The following CLNK variants were observed in gnomAD, a reference collection of about 807,000 sequenced individuals.
The protein encoded by CLNK is cytokine dependent hematopoietic cell linker, also known as cytokine-dependent hematopoietic cell linker.
In CLNK, 74 loss-of-function variants were observed where a neutral mutation model predicts 68.6. The ratio of observed to expected loss-of-function variants is 1.08; its 90% CI spans 0.89 to 1.31. The LOEUF is 1.31. Among genes scored for constraint, CLNK ranks in the 50% most tolerant of loss-of-function variants. The pLI, the probability that CLNK is intolerant of heterozygous loss-of-function variation, is 0.00. For missense variants in CLNK, 553 were observed against 515.3 expected (o/e 1.07, Z -0.71); for synonymous variants, 198 against 172.2 (o/e 1.15, Z -1.17).
At chr4:10,543,485 G>T (rs1478947781) in intron 8 of CLNK, among the ~76,000 whole-genome samples, 1 of 152,146 alleles carries the variant, frequency 6.6e-6, no homozygotes, top group African/African-American at 2.4e-5. Flanking sequence ...TTTTAACCAT[G>T]TGCTGAAGAG....
chr4:10,689,905 C>G, the CLNK span, among the ~76,000 whole-genome samples: 1 of 151,938 alleles, frequency 6.6e-6, no homozygotes, highest in Admixed American at 6.6e-5. Context: ...TTGCTGTTCC[C>G]TCTCATCTCA....
At chr4:10,565,264 G>C (rs1185655803) in intron 6 of CLNK, among the ~76,000 whole-genome samples, 1 of 152,224 alleles carries the variant, frequency 6.6e-6, no homozygotes, top group African/African-American at 2.4e-5. Context: ...GCACGTAGTA[G>C]ATGCTCAATG....
chr4:10,604,803 C>A (rs1721725839), intron 2 of CLNK, among the ~76,000 whole-genome samples: 1 of 152,186 alleles, frequency 6.6e-6, no homozygotes, highest in Non-Finnish European at 1.5e-5. Flanking sequence ...CTATTCACTG[C>A]CTTTGCAGTT....
chr4:10,498,353 G>A (rs961078095), intron 18 of CLNK, among the ~76,000 whole-genome samples: 8 of 150,204 alleles, frequency 5.3e-5, no homozygotes, highest in South Asian at 2.1e-4. Flanking sequence ...TTAGCCGGGC[G>A]TGGTGGTGGG....
At chr4:10,714,534 A>G in the CLNK span, among the ~76,000 whole-genome samples, 2 of 152,216 alleles carry the variant, frequency 1.3e-5, no homozygotes, top group Admixed American at 6.5e-5. Flanking sequence ...TCAAATGGCT[A>G]AATATTTTCT....
At chr4:10,588,543 T>C (rs1157188495) in intron 3 of CLNK, among the ~76,000 whole-genome samples, 1 of 152,196 alleles carries the variant, frequency 6.6e-6, no homozygotes, top group African/African-American at 2.4e-5. Context: ...GAGCACCTGT[T>C]TGGGCACTAA....
intron 4 of CLNK, among the ~76,000 whole-genome samples, chr4:10,574,167 T>A (rs2108829881): frequency 6.6e-6 from 1 of 152,278 alleles, no homozygotes; most frequent in East Asian, 1.9e-4. Flanking sequence ...GTGCATCAGT[T>A]CATGTCACTC....
chr4:10,501,524 G>A, intron 17 of CLNK, 113 bp from the exon 18 acceptor site: 1 of 1,063,590 alleles, frequency 9.4e-7, no homozygotes, highest in Non-Finnish European at 1.3e-6. Context: ...TTTAGTTTTT[G>A]GTAAACCACT....
upstream of CLNK, among the ~76,000 whole-genome samples, chr4:10,688,358 T>C (rs1725344203): frequency 1.3e-5 from 2 of 152,018 alleles, no homozygotes; most frequent in African/African-American, 4.8e-5. Flanking sequence ...AACTCTTGGG[T>C]AGATCATGTG....
At chr4:10,633,084 T>A (rs1193666207) in intron 2 of CLNK, among the ~76,000 whole-genome samples, 1 of 152,128 alleles carries the variant, frequency 6.6e-6, no homozygotes. Flanking sequence ...ATTACAGGCA[T>A]GTGCTACCAC....
At chr4:10,657,597 A>G (rs1184001419) in intron 2 of CLNK, among the ~76,000 whole-genome samples, 2 of 152,238 alleles carry the variant, frequency 1.3e-5, no homozygotes, top group Non-Finnish European at 2.9e-5. Flanking sequence ...AGAAAAATCT[A>G]CAGAAGATGA....
At chr4:10,676,794 A>G (rs550036611) in intron 1 of CLNK, among the ~76,000 whole-genome samples, 10 of 149,756 alleles carry the variant, frequency 6.7e-5, no homozygotes, top group Admixed American at 1.3e-4. Context: ...TCCTTCCTCT[A>G]TCCTTCATTT....
chr4:10,585,609 A>T (rs1720939471), intron 3 of CLNK, among the ~76,000 whole-genome samples: 1 of 152,212 alleles, frequency 6.6e-6, no homozygotes, highest in Non-Finnish European at 1.5e-5. Flanking sequence ...TCATTGGCCA[A>T]TTAAGCTCCT....
chr4:10,619,631 G>A (rs61794853), intron 2 of CLNK, among the ~76,000 whole-genome samples: 1 of 152,074 alleles, frequency 6.6e-6, no homozygotes, highest in South Asian at 2.1e-4. Context: ...ATAAATAAAA[G>A]GGAAAGGAAA....
intron 16 of CLNK, among the ~76,000 whole-genome samples, chr4:10,508,335 T>C (rs1009146599): frequency 3.9e-5 from 6 of 152,154 alleles, no homozygotes; most frequent in Admixed American, 3.9e-4. Context: ...CAGTGCTTTC[T>C]GAATCTTCAG....
chr4:10,649,882 A>G (rs1010264844), intron 2 of CLNK, among the ~76,000 whole-genome samples: 2 of 123,906 alleles, frequency 1.6e-5, no homozygotes, highest in Non-Finnish European at 3.9e-5. Context: ...CAGACAAAAT[A>G]AAAAAAAAAA....
chr4:10,548,763 C>G (rs1719335854), intron 8 of CLNK, among the ~76,000 whole-genome samples: 1 of 152,200 alleles, frequency 6.6e-6, no homozygotes, highest in African/African-American at 2.4e-5. Context: ...CTAGTCTCTC[C>G]ACTATTTGAA....
chr4:10,624,362 G>A (rs1722577874), intron 2 of CLNK, among the ~76,000 whole-genome samples: 1 of 152,044 alleles, frequency 6.6e-6, no homozygotes, highest in South Asian at 2.1e-4. Context: ...GCGCCATCTC[G>A]GCTCACTGCA....
intron 1 of CLNK, among the ~76,000 whole-genome samples, chr4:10,671,865 C>T (rs1463450125): frequency 6.6e-6 from 1 of 152,190 alleles, no homozygotes; most frequent in African/African-American, 2.4e-5. Flanking sequence ...GGTCAGCAAA[C>T]TATAGAAGAA....
Sources: gnomAD v4.1 joint callset for allele counts (sites outside exome capture counted in the v4.1 genomes callset) on GRCh38, gnomAD v4.1.1 for gene constraint, MANE v1.5 for transcripts, NCBI Gene and HGNC (gene_info 2026-07-23, HGNC 2026-07-21) for gene names.